The following ZNF652 variants were observed in gnomAD, a reference collection of about 807,000 sequenced individuals.
ZNF652 encodes the protein zinc finger protein 652.
A neutral mutation model predicts 45.2 loss-of-function variants in ZNF652; 16 were observed. The ratio of observed to expected loss-of-function variants is 0.35; its 90% CI spans 0.24 to 0.54. ZNF652 has a LOEUF of 0.54. ZNF652 is among the 20% of genes least tolerant of loss of function. The pLI, the probability that ZNF652 is intolerant of heterozygous loss-of-function variation, is 0.91. For missense variants in ZNF652, 614 were observed against 765.6 expected, an observed-to-expected ratio of 0.80 and a Z score of 2.34; for synonymous variants, 250 against 260.6, an observed-to-expected ratio of 0.96 and a Z score of 0.39.
At position 49,311,780 on chromosome 17, in the gene ZNF652, G is replaced by A. The variant is rs1347396920; in HGVS notation, c.1164+147C>T. The A allele has an allele frequency of 6.2e-6, 4 of 647,916 alleles. No individual in the cohort carries two copies. In the East Asian group the frequency reaches 8.1e-5, roughly 13 times the overall value. 40.1% of individuals were successfully genotyped at this position (647,916 alleles called of 1,614,324 possible). Reference sequence around the variant, plus strand: ...GACATTTTTCTACCTTGCAGTGACAGCGCACACAGAGCTCAGAACACATGT... The same window carrying A: ...GACATTTTTCTACCTTGCAGTGACAACGCACACAGAGCTCAGAACACATGT... On this transcript the variant is annotated intron_variant, in intron 4 of 5. Coordinates refer to ENST00000430262, the MANE Select transcript of ZNF652 (RefSeq NM_001145365.3).
rs1388164046 is a variant in ZNF652, at chr17:49,295,046, A to G, written c.*3367T>C. On this transcript the variant is annotated 3_prime_UTR_variant, in exon 6 of 6. Coordinates refer to ENST00000430262, the MANE Select transcript of ZNF652 (RefSeq NM_001145365.3). ...TAAGCATGTTAAACGTGTTGCACAT[A>G]TATGTTTAAGGCTTAATCCTGCAGT... The G allele has an allele frequency of 6.6e-6, 1 of 152,004 alleles. No homozygotes were observed. The highest frequency in any genetic ancestry group is 2.4e-5 in the African/African-American group (1 of 41,404). The allele number at this position is 152,004 out of a possible 1,614,324, so 9.4% of individuals were successfully genotyped here. A position where few individuals can be genotyped will look rare whatever the true frequency, so the allele number is the denominator to read the frequency against.
chr17:49,327,766 TATATATATATA>T (rs1567690519), intron 1 of ZNF652, among the ~76,000 whole-genome samples: 21 of 5,900 alleles, frequency 3.6e-3, no homozygotes, highest in African/African-American at 0.014. Flanking sequence ...TATATATATA[TATATATATATA>T]TATTTTTTTT....
intron 1 of ZNF652, among the ~76,000 whole-genome samples, chr17:49,344,517 A>AT (rs1417842447): frequency 7.5e-6 from 1 of 133,264 alleles, no homozygotes; most frequent in Non-Finnish European, 1.6e-5. Context: ...ATCAAAGCAA[A>AT]ATTTTTTTTT....
chr17:49,338,905 A>T (rs2070112990), intron 1 of ZNF652, among the ~76,000 whole-genome samples: 1 of 152,218 alleles, frequency 6.6e-6, no homozygotes, highest in African/African-American at 2.4e-5. Context: ...AGAAGCCAAG[A>T]GATTAAAAAA....
Position 49,326,216 on chromosome 17 carries a change from G to C in ZNF652, c.-258-8233C>G, listed in dbSNP as rs181905954. On this transcript the variant is annotated intron_variant, in intron 1 of 5. Transcript: ENST00000430262. ...TTGCTTGAGCCCAGGAGACCAGCCTGGGCAACATAGCAAGACCCCATCTCT... is the reference window on the plus strand; with the variant it reads ...TTGCTTGAGCCCAGGAGACCAGCCTCGGCAACATAGCAAGACCCCATCTCT... Among the ~76,000 whole-genome samples the C allele has an allele frequency of 4.8e-3, 709 of 147,340 alleles. 6 individuals carry two copies. Among genetic ancestry groups the C allele is most frequent in the African/African-American group, 0.016 (622 of 39,594 alleles).
intron 5 of ZNF652, among the ~76,000 whole-genome samples, chr17:49,308,396 C>T (rs1256587909): frequency 6.6e-6 from 1 of 152,084 alleles, no homozygotes; most frequent in African/African-American, 2.4e-5. Context: ...AGGCTGGTCT[C>T]GAACCTCTGG....
At chr17:49,351,024 C>CTGTATGT (rs1567700344) in intron 1 of ZNF652, among the ~76,000 whole-genome samples, 1 of 82,148 alleles carries the variant, frequency 1.2e-5, no homozygotes, top group Admixed American at 1.3e-4. Context: ...TACACACACA[C>CTGTATGT]ACACACACAC....
chr17:49,315,145 G>A (rs970147767), intron 2 of ZNF652, among the ~76,000 whole-genome samples: 4 of 151,224 alleles, frequency 2.6e-5, no homozygotes, highest in South Asian at 2.1e-4. Flanking sequence ...AGGTTCAAGC[G>A]ATTCTCCTGC....
chr17:49,316,679 G>T, intron 2 of ZNF652, 147 bp downstream of exon 2: 1 of 900,710 alleles, frequency 1.1e-6, no homozygotes, highest in Non-Finnish European at 1.6e-6. Context: ...GTTTAGAAAA[G>T]ACCAAAGCAG....
At chr17:49,314,837 G>C (rs896853286) in intron 2 of ZNF652, among the ~76,000 whole-genome samples, 2 of 152,064 alleles carry the variant, frequency 1.3e-5, no homozygotes, top group Non-Finnish European at 2.9e-5. Flanking sequence ...CTCTAGAAAA[G>C]GACAGACTAC....
rs1316000678 is a variant in ZNF652, at chr17:49,289,520, G to A, written c.*8893C>T. The A allele has an allele frequency of 6.6e-6, 1 of 152,228 alleles. No homozygotes were observed. Among genetic ancestry groups the A allele is most frequent in the East Asian group, 1.9e-4 (1 of 5,198 alleles). The allele number at this position is 152,228 out of a possible 1,614,324, so 9.4% of individuals were successfully genotyped here. On this transcript the variant is annotated 3_prime_UTR_variant, in exon 6 of 6. Coordinates refer to ENST00000430262, the MANE Select transcript of ZNF652 (RefSeq NM_001145365.3). ...AGTACATTGAGGGATCTGACAGGAT[G>A]CTGGAAAAAATGACTCAGGGAAGCC...
intron 5 of ZNF652, among the ~76,000 whole-genome samples, chr17:49,300,684 A>T (rs1174661718): frequency 1.3e-5 from 2 of 152,082 alleles, no homozygotes; most frequent in Admixed American, 1.3e-4. Context: ...TCGTCTCTTC[A>T]CATTAACTCC....
At position 49,358,743 on chromosome 17, in the gene ZNF652, T is replaced by C. The variant is rs550355326; in HGVS notation, c.-259+3166A>G. 4.6e-5 allele frequency among the ~76,000 whole-genome samples: 7 copies of C among 152,282 alleles called. No homozygotes were observed. The East Asian group carries it at 1.3e-3, about 29-fold the overall frequency. On this transcript the variant is annotated intron_variant, in intron 1 of 5. Transcript: ENST00000430262. ...TTACTTCCCATACTTAGAACAGAAA[T>C]GGCAACAGTTCTGGGTGTCACGAAT...
intron 1 of ZNF652, among the ~76,000 whole-genome samples, chr17:49,327,742 T>C (rs969168680): frequency 2.1e-4 from 1 of 4,754 alleles, no homozygotes; most frequent in Non-Finnish European, 4.8e-4. Flanking sequence ...TATATATATA[T>C]ATATATATAT....
chr17:49,339,938 C>T (rs965018912), intron 1 of ZNF652, among the ~76,000 whole-genome samples: 9 of 152,038 alleles, frequency 5.9e-5, no homozygotes, highest in Admixed American at 1.3e-4. Flanking sequence ...TTCACCATAT[C>T]GGCCAGGCTG....
chr17:49,348,494 G>GAAAAGAAAAGAAAAGAAAAGAA (rs1567699050), intron 1 of ZNF652, among the ~76,000 whole-genome samples: 14 of 105,160 alleles, frequency 1.3e-4, no homozygotes, highest in African/African-American at 4.3e-4. Context: ...GAAAAGAAAA[G>GAAAAGAAAAGAAAAGAAAAGAA]AAAAGAAAAG....
At chr17:49,361,691 G>C (rs998465605) in intron 1 of ZNF652, among the ~76,000 whole-genome samples, 2 of 152,128 alleles carry the variant, frequency 1.3e-5, no homozygotes, top group South Asian at 2.1e-4. Context: ...GAGCAGGAGC[G>C]GGGCGCCCCC....
chr17:49,355,681 C>T (rs944591804), intron 1 of ZNF652, among the ~76,000 whole-genome samples: 35 of 151,470 alleles, frequency 2.3e-4, no homozygotes, highest in African/African-American at 7.3e-4. Flanking sequence ...GGGCAGATCA[C>T]GAGGTCAGGA....
intron 5 of ZNF652, among the ~76,000 whole-genome samples, chr17:49,304,237 C>A (rs551531196): frequency 6.6e-6 from 1 of 151,966 alleles, no homozygotes; most frequent in African/African-American, 2.4e-5. Context: ...TGATTTGCCA[C>A]AGAAAGACCA....
Sources: gnomAD v4.1 joint callset for allele counts (sites outside exome capture counted in the v4.1 genomes callset) on GRCh38, gnomAD v4.1.1 for gene constraint, MANE v1.5 for transcripts, NCBI Gene and HGNC (gene_info 2026-07-23, HGNC 2026-07-21) for gene names.